ANKS1B: variants seen among roughly 807,000 people sequenced by gnomAD.
The protein encoded by ANKS1B is ankyrin repeat and sterile alpha motif domain containing 1B.
A neutral mutation model predicts 148.3 loss-of-function variants in ANKS1B; 36 were observed. The ratio of observed to expected loss-of-function variants is 0.24; its 90% CI spans 0.19 to 0.32. The LOEUF (loss-of-function observed/expected upper bound fraction) is 0.32, where lower values mean the gene tolerates loss of function less well. ANKS1B is among the 10% of genes least tolerant of loss of function. The pLI, the probability that ANKS1B is intolerant of heterozygous loss-of-function variation, is 1.00. For synonymous variants in ANKS1B, 542 were observed against 560.8 expected (o/e 0.97, Z 0.47); for missense variants, 1,157 against 1,542.6 (o/e 0.75, Z 4.19).
intron 1 of ANKS1B, among the ~76,000 whole-genome samples, chr12:99,964,947 T>C (rs539754038): frequency 6.6e-6 from 1 of 152,252 alleles, no homozygotes; most frequent in Admixed American, 6.5e-5. Context: ...AATAAGTATA[T>C]ATACAAAGAT....
Position 98,945,766 on chromosome 12 carries a change from T to G in ANKS1B, c.2778+107391A>C, listed in dbSNP as rs549318756. Among the ~76,000 whole-genome samples the G allele has an allele frequency of 6.6e-5, 10 of 152,276 alleles. No individual in the cohort carries two copies. In the South Asian group the frequency reaches 2.1e-3, roughly 32 times the overall value. ...ACACTCAAGCTGGGCGTTTGTGCAA[T>G]CCACATCAACACTTCCAATACTCTC... On this transcript the variant is annotated intron_variant, in intron 17 of 26. Transcript: ENST00000683438.
chr12:99,334,314 C>T (rs1172929091), intron 12 of ANKS1B, among the ~76,000 whole-genome samples: 2 of 151,994 alleles, frequency 1.3e-5, no homozygotes, highest in African/African-American at 2.4e-5. Flanking sequence ...CACCAGGCCT[C>T]GAGAATGATT....
chr12:99,690,893 T>C (rs975984503), intron 8 of ANKS1B, among the ~76,000 whole-genome samples: 3 of 152,170 alleles, frequency 2.0e-5, no homozygotes, highest in Non-Finnish European at 4.4e-5. Flanking sequence ...ACATTTTCCT[T>C]CCCTACTGAC....
rs146522154 is a variant in ANKS1B, at chr12:98,929,041, TACAC to T, written c.2779-96909_2779-96906del. Among the ~76,000 whole-genome samples, 691 of 144,896 alleles carry T rather than the reference TACAC, an allele frequency of 4.8e-3. 4 individuals carry two copies. The highest frequency in any genetic ancestry group is 6.2e-3 in the Non-Finnish European group (410 of 66,130). ...GTGATCGTTATATAGAAAACCCTAA[TACAC>T]ACACACACACACACACACACACACA... On this transcript the variant is annotated intron_variant, in intron 17 of 26. Transcript: ENST00000683438.
At chr12:99,973,086 C>G (rs961784103) in intron 1 of ANKS1B, among the ~76,000 whole-genome samples, 27 of 152,208 alleles carry the variant, frequency 1.8e-4, no homozygotes, top group African/African-American at 6.3e-4. Context: ...AATATTACAG[C>G]TCAGTGGCAG....
chr12:99,358,136 ACTT>A (rs2092183900), intron 12 of ANKS1B, among the ~76,000 whole-genome samples: 2 of 151,948 alleles, frequency 1.3e-5, no homozygotes, highest in African/African-American at 2.4e-5. Context: ...GTTAACATTT[ACTT>A]CTTAATTTTC....
At chr12:99,316,889 G>A (rs2084215129) in intron 12 of ANKS1B, among the ~76,000 whole-genome samples, 1 of 152,298 alleles carries the variant, frequency 6.6e-6, no homozygotes. Context: ...TCTACATGTG[G>A]CTAGCCAGTT....
At chr12:99,352,866 G>A (rs575559118) in intron 12 of ANKS1B, among the ~76,000 whole-genome samples, 2 of 151,924 alleles carry the variant, frequency 1.3e-5, no homozygotes, top group Non-Finnish European at 2.9e-5. Context: ...CTAAGTAGTC[G>A]AGTTATAGAG....
chr12:99,594,709 G>A (rs776257619), intron 9 of ANKS1B, among the ~76,000 whole-genome samples: 3 of 151,968 alleles, frequency 2.0e-5, no homozygotes, highest in Non-Finnish European at 2.9e-5. Flanking sequence ...GTTGGTACGG[G>A]CTGGGGAGAG....
At chr12:98,779,015 C>G (rs2098708290) in intron 24 of ANKS1B, among the ~76,000 whole-genome samples, 1 of 152,232 alleles carries the variant, frequency 6.6e-6, no homozygotes, top group African/African-American at 2.4e-5. Context: ...CATACATTCA[C>G]AGACTGGCTC....
At chr12:98,837,676 A>T (rs1256343063) in intron 17 of ANKS1B, among the ~76,000 whole-genome samples, 3 of 152,192 alleles carry the variant, frequency 2.0e-5, no homozygotes, top group African/African-American at 4.8e-5. Context: ...ATCATGATAT[A>T]CCCTTACATG....
At chr12:99,342,266 G>A (rs1004305273) in intron 12 of ANKS1B, among the ~76,000 whole-genome samples, 4 of 152,014 alleles carry the variant, frequency 2.6e-5, no homozygotes, top group Non-Finnish European at 5.9e-5. Context: ...ATTTCCTAGG[G>A]AAGCTGTTTG....
At chr12:98,890,788 T>C (rs1422876824) in intron 17 of ANKS1B, among the ~76,000 whole-genome samples, 1 of 152,206 alleles carries the variant, frequency 6.6e-6, no homozygotes, top group Non-Finnish European at 1.5e-5. Flanking sequence ...AAAAGAGTGT[T>C]GGTCTTAAAA....
At chr12:99,838,239 T>C (rs1384545400) in intron 1 of ANKS1B, among the ~76,000 whole-genome samples, 1 of 152,218 alleles carries the variant, frequency 6.6e-6, no homozygotes, top group African/African-American at 2.4e-5. Context: ...AACATACAAG[T>C]GCAAGTATCT....
intron 8 of ANKS1B, among the ~76,000 whole-genome samples, chr12:99,772,414 T>G (rs971599100): frequency 6.6e-6 from 1 of 152,150 alleles, no homozygotes; most frequent in Non-Finnish European, 1.5e-5. Context: ...ATGCTTAAGA[T>G]TCTGAGCTTA....
intron 17 of ANKS1B, among the ~76,000 whole-genome samples, chr12:98,957,311 ATATTTATTTATTTATT>A (rs71782750): frequency 0.02 from 2,939 of 143,960 alleles, 101 homozygotes; most frequent in African/African-American, 0.049. Context: ...TTTTTTTTAA[ATATTTATTTATTTATT>A]TATTTATTTA....
At chr12:99,875,743 A>G (rs2153732386) in intron 1 of ANKS1B, among the ~76,000 whole-genome samples, 1 of 152,352 alleles carries the variant, frequency 6.6e-6, no homozygotes, top group African/African-American at 2.4e-5. Flanking sequence ...AATTATAATC[A>G]AGATCTATTC....
In ANKS1B at chr12:99,829,886, T is replaced by TA. The variant is rs200987317; in HGVS notation, c.135-4498dup. On this transcript the variant is annotated intron_variant, in intron 1 of 26. Transcript: ENST00000683438. ...GGATAGCTTTGATAAAAAATAAAAA[T>TA]AAAAAAAAGACAAAGAAATAACTGA... is the stretch of plus-strand genomic sequence containing the variant. Among the ~76,000 whole-genome samples, 1,017 of 151,390 alleles carry TA rather than the reference T, an allele frequency of 6.7e-3. 11 individuals are homozygous for TA. Among genetic ancestry groups the TA allele is most frequent in the African/African-American group, 0.023 (954 of 41,146 alleles).
intron 4 of ANKS1B, among the ~76,000 whole-genome samples, chr12:99,787,096 G>T (rs985480918): frequency 6.6e-6 from 1 of 152,074 alleles, no homozygotes; most frequent in African/African-American, 2.4e-5. Context: ...GCTATTGAAG[G>T]GGTATTAAAC....
Sources: allele counts gnomAD v4.1 joint callset (sites outside exome capture counted in the v4.1 genomes callset), GRCh38; gene constraint gnomAD v4.1.1; transcripts MANE v1.5; gene names NCBI Gene and HGNC (gene_info 2026-07-23, HGNC 2026-07-21).